Variants in TSNARE1 observed in about 807,000 individuals in gnomAD.
TSNARE1 encodes the protein t-SNARE domain containing 1.
TSNARE1 carries 49 observed loss-of-function variants against 62.0 expected under a neutral mutation model. That is an observed-to-expected ratio of 0.79 (90% CI 0.63 to 1.00). The LOEUF is 1.00. Among genes scored for constraint, TSNARE1 ranks in the 50% least tolerant of loss-of-function variants. The probability of loss-of-function intolerance (pLI) is 0.00; values close to 1 mark genes in which losing one functional copy is unlikely to be tolerated. For synonymous variants in TSNARE1, 328 were observed against 294.4 expected (o/e 1.11, Z -1.17); for missense variants, 755 against 700.1 (o/e 1.08, Z -0.88).
chr8:142,345,979 C>A, intron 2 of TSNARE1, 87 bp from the exon 3 acceptor site: 4 of 1,495,098 alleles, frequency 2.7e-6, no homozygotes, highest in Non-Finnish European at 3.6e-6. Flanking sequence ...CAGCAGACAC[C>A]CAGGACCCGA....
intron 13 of TSNARE1, among the ~76,000 whole-genome samples, chr8:142,219,344 G>T (rs894958814): frequency 5.3e-5 from 8 of 152,214 alleles, no homozygotes; most frequent in African/African-American, 1.9e-4. Context: ...AGGAGGAAGG[G>T]AGAGGAGTGG....
chr8:142,365,565 T>C (rs1835472306), intron 1 of TSNARE1, among the ~76,000 whole-genome samples: 1 of 150,610 alleles, frequency 6.6e-6, no homozygotes, highest in African/African-American at 2.4e-5. Flanking sequence ...CACTATCAAG[T>C]AGTTCTGAGA....
intron 6 of TSNARE1, among the ~76,000 whole-genome samples, chr8:142,322,618 T>C (rs72614026): frequency 0.061 from 9,337 of 152,206 alleles, 455 homozygotes; most frequent in East Asian, 0.28. Context: ...TTCTATGGAG[T>C]TGCAGCCAAT....
chr8:142,365,625 CACACACACAGAG>C (rs1383275059), intron 1 of TSNARE1, among the ~76,000 whole-genome samples: 7 of 149,160 alleles, frequency 4.7e-5, no homozygotes, highest in East Asian at 2.0e-4. Context: ...CACACACACA[CACACACACAGAG>C]AGAGAGAGGG....
rs529399781 is a variant in TSNARE1 at position 142,360,258 on chromosome 8, G to A, written c.-39-5495C>T. ...TGGGCAGGCAGAGGCATGGCCAGGA[G>A]GGGATGTGGCAGAGGACAGGGACGA... On this transcript the variant is annotated intron_variant, in intron 1 of 13. Coordinates refer to ENST00000524325, the MANE Select transcript of TSNARE1 (RefSeq NM_145003.5). Among the ~76,000 whole-genome samples, 15 of 152,270 alleles carry A rather than the reference G, an allele frequency of 9.9e-5. No homozygotes were observed. The South Asian group carries it at 2.9e-3, about 29-fold the overall frequency.
rs141816413 is a variant in TSNARE1 at position 142,325,811 on chromosome 8, C to T, written c.893+5090G>A. On this transcript the variant is annotated intron_variant, in intron 6 of 13. Coordinates refer to ENST00000524325, the MANE Select transcript of TSNARE1 (RefSeq NM_145003.5). ...TAGATGGATGACGAACCAGCACCAA[C>T]GAAGACCAGGGCCCTGGAGAGCATG... Among the ~76,000 whole-genome samples the T allele has an allele frequency of 4.5e-4, 68 of 152,200 alleles. 3 individuals carry two copies. The highest frequency in any genetic ancestry group is 1.5e-3 in the African/African-American group (62 of 41,524).
chr8:142,300,888 C>T (rs989793992), intron 9 of TSNARE1, among the ~76,000 whole-genome samples: 4 of 152,154 alleles, frequency 2.6e-5, no homozygotes, highest in Admixed American at 1.3e-4. Context: ...TGTCATCAGC[C>T]CCCCCGCATC....
intron 1 of TSNARE1, among the ~76,000 whole-genome samples, chr8:142,387,096 G>C (rs1190332274): frequency 6.6e-6 from 1 of 152,134 alleles, no homozygotes; most frequent in Non-Finnish European, 1.5e-5. Flanking sequence ...AAGTTCAAGA[G>C]GGAATAGTCA....
chr8:142,241,692 C>G (rs1330991576), intron 12 of TSNARE1, among the ~76,000 whole-genome samples: 1 of 152,206 alleles, frequency 6.6e-6, no homozygotes, highest in Non-Finnish European at 1.5e-5. Context: ...GGCCCAGAAA[C>G]AAATCCATGC....
At chr8:142,237,713 A>G (rs1047010477) in intron 12 of TSNARE1, among the ~76,000 whole-genome samples, 3 of 152,142 alleles carry the variant, frequency 2.0e-5, no homozygotes, top group African/African-American at 7.2e-5. Flanking sequence ...GGACACTGTC[A>G]CTCCAAGGAT....
chr8:142,361,229 T>A (rs748026921), intron 1 of TSNARE1, among the ~76,000 whole-genome samples: 14 of 152,226 alleles, frequency 9.2e-5, no homozygotes, highest in Non-Finnish European at 1.8e-4. Context: ...AGGCCTGGCC[T>A]GCTCTCGGAG....
chr8:142,230,794 A>G (rs1035806427), intron 12 of TSNARE1, among the ~76,000 whole-genome samples: 1 of 150,228 alleles, frequency 6.7e-6, no homozygotes, highest in East Asian at 1.9e-4. Flanking sequence ...CCATCCATCC[A>G]TCCATCCATC....
chr8:142,361,765 G>A (rs953943461), intron 1 of TSNARE1, among the ~76,000 whole-genome samples: 1 of 152,120 alleles, frequency 6.6e-6, no homozygotes, highest in Admixed American at 6.5e-5. Flanking sequence ...AGGCAAGGCC[G>A]GAAAAGACAG....
chr8:142,234,637 C>T (rs1449575902), intron 12 of TSNARE1, among the ~76,000 whole-genome samples: 1 of 152,254 alleles, frequency 6.6e-6, no homozygotes, highest in Non-Finnish European at 1.5e-5. Context: ...AGGGCAGTCC[C>T]TCCAGCCTCT....
chr8:142,275,997 G>A (rs1040421721), intron 11 of TSNARE1: 1 of 985,316 alleles, frequency 1.0e-6, no homozygotes, highest in African/African-American at 1.7e-5. Context: ...CATGAGCCCT[G>A]CCTTCAGAAG....
Position 142,318,735 on chromosome 8 carries a change from G to T in TSNARE1, c.894-101C>A, listed in dbSNP as rs573538946. 8.3e-5 allele frequency: 89 copies of T among 1,072,262 alleles called. 2 individuals carry two copies. Among genetic ancestry groups the T allele is most frequent in the South Asian group, 6.9e-4 (53 of 76,588 alleles). The allele number at this position is 1,072,262 out of a possible 1,614,324, so 66.4% of individuals were successfully genotyped here. A position where few individuals can be genotyped will look rare whatever the true frequency, so the allele number is the denominator to read the frequency against. On this transcript the variant is annotated intron_variant, in intron 6 of 13. Transcript: ENST00000524325. ...CAAGCAGGGACGCACGGGCCGAGTG[G>T]GGGAGACAGAGACAGATGGATGGAC...
chr8:142,313,008 G>C (rs1193807464), intron 9 of TSNARE1, among the ~76,000 whole-genome samples: 1 of 152,162 alleles, frequency 6.6e-6, no homozygotes, highest in Non-Finnish European at 1.5e-5. Context: ...GCATCTATCT[G>C]TGTGTCTCTG....
chr8:142,350,004 G>A (rs1353295394), intron 2 of TSNARE1, among the ~76,000 whole-genome samples: 21 of 139,378 alleles, frequency 1.5e-4, no homozygotes, highest in Middle Eastern at 4.1e-3. Context: ...CAGGCAGGGC[G>A]GGCAAGGCTG....
intron 4 of TSNARE1, among the ~76,000 whole-genome samples, chr8:142,340,862 G>A (rs1330458627): frequency 6.6e-6 from 1 of 152,242 alleles, no homozygotes; most frequent in Non-Finnish European, 1.5e-5. Context: ...GACACCACGT[G>A]CCTAGACACC....
Sources: allele counts gnomAD v4.1 joint callset (sites outside exome capture counted in the v4.1 genomes callset), GRCh38; gene constraint gnomAD v4.1.1; transcripts MANE v1.5; gene names NCBI Gene and HGNC (gene_info 2026-07-23, HGNC 2026-07-21).